Variants in GPM6A observed in about 807,000 individuals in gnomAD.
The protein encoded by GPM6A is glycoprotein M6A, also known as neuronal membrane glycoprotein M6-a.
Under a neutral mutation model 32.1 loss-of-function variants are expected in GPM6A, and 7 were observed. The observed-to-expected ratio is 0.22, with a 90% CI of 0.12 to 0.41. The LOEUF (loss-of-function observed/expected upper bound fraction) is 0.41. GPM6A is among the 10% of genes least tolerant of loss of function. GPM6A has a pLI of 1.00. For synonymous variants in GPM6A, 130 were observed against 123.4 expected, an observed-to-expected ratio of 1.05 and a Z score of -0.35; for missense variants, 235 against 347.2, an observed-to-expected ratio of 0.68 and a Z score of 2.57.
intron 1 of GPM6A, among the ~76,000 whole-genome samples, chr4:175,951,840 G>A (rs1490171763): frequency 6.6e-6 from 1 of 152,196 alleles, no homozygotes; most frequent in African/African-American, 2.4e-5. Context: ...TGCATAATGA[G>A]GTGGGCCCCA....
intron 1 of GPM6A, among the ~76,000 whole-genome samples, chr4:175,750,300 C>T (rs1006214128): frequency 6.6e-6 from 1 of 152,088 alleles, no homozygotes; most frequent in African/African-American, 2.4e-5. Context: ...TCAGGTGATC[C>T]ACCCGCCTTG....
chr4:175,881,849 G>A (rs568020756), intron 1 of GPM6A, among the ~76,000 whole-genome samples: 11 of 151,438 alleles, frequency 7.3e-5, no homozygotes, highest in African/African-American at 2.7e-4. Context: ...TGCAGGGTGG[G>A]AGGAGGGGGA....
At chr4:175,924,594 C>A (rs1253768118) in intron 1 of GPM6A, among the ~76,000 whole-genome samples, 2 of 152,140 alleles carry the variant, frequency 1.3e-5, no homozygotes, top group African/African-American at 4.8e-5. Flanking sequence ...AATCCCAGTA[C>A]TTTGGGAGGC....
intron 1 of GPM6A, among the ~76,000 whole-genome samples, chr4:175,955,552 C>CAG (rs1739957858): frequency 6.6e-6 from 1 of 152,102 alleles, no homozygotes; most frequent in Admixed American, 6.5e-5. Context: ...TTCATCAGTA[C>CAG]AGAGGTAAGA....
chr4:175,790,326 C>T (rs1733962850), intron 1 of GPM6A: 1 of 152,064 alleles, frequency 6.6e-6, no homozygotes, highest in Admixed American at 6.6e-5. Context: ...ATACAGTGAC[C>T]CAATTACTTT....
intron 3 of GPM6A, among the ~76,000 whole-genome samples, chr4:175,668,128 G>C (rs1367818489): frequency 6.6e-6 from 1 of 151,908 alleles, no homozygotes; most frequent in East Asian, 1.9e-4. Context: ...TTAGACATCA[G>C]AAAAAATAAG....
At chr4:175,977,969 C>T (rs1002355865) in intron 1 of GPM6A, among the ~76,000 whole-genome samples, 10 of 152,166 alleles carry the variant, frequency 6.6e-5, no homozygotes, top group African/African-American at 2.4e-4. Flanking sequence ...TACTTCAATG[C>T]TGTCAGGTTC....
chr4:175,982,103 G>C (rs1740837399), intron 1 of GPM6A, among the ~76,000 whole-genome samples: 1 of 151,954 alleles, frequency 6.6e-6, no homozygotes, highest in Non-Finnish European at 1.5e-5. Flanking sequence ...CTGTTTTCTT[G>C]TTAGTGGGTT....
At chr4:175,741,836 T>G (rs1731900351) in intron 1 of GPM6A, among the ~76,000 whole-genome samples, 1 of 152,142 alleles carries the variant, frequency 6.6e-6, no homozygotes, top group South Asian at 2.1e-4. Context: ...CTGGGATGTC[T>G]TATAATTATT....
intron 1 of GPM6A, among the ~76,000 whole-genome samples, chr4:175,886,722 AACACACACACACACACACACACACAC>A (rs34241399): frequency 4.1e-5 from 6 of 145,820 alleles, no homozygotes; most frequent in Non-Finnish European, 9.1e-5. Flanking sequence ...AAACTCAGTA[AACACACACACACACACACACACACAC>A]ACACACACAA....
chr4:175,887,802 A>T (rs191259643), intron 1 of GPM6A, among the ~76,000 whole-genome samples: 27 of 152,094 alleles, frequency 1.8e-4, no homozygotes, highest in African/African-American at 6.5e-4. Flanking sequence ...TCAAAATGAA[A>T]TAGCAAGCCT....
intron 1 of GPM6A, among the ~76,000 whole-genome samples, chr4:175,751,579 T>C (rs1254829907): frequency 6.6e-6 from 1 of 152,184 alleles, no homozygotes. Context: ...TTGGGGTTTC[T>C]GGAGAGAGAG....
chr4:175,708,836 T>A (rs1301445345), intron 1 of GPM6A, among the ~76,000 whole-genome samples: 1 of 152,188 alleles, frequency 6.6e-6, no homozygotes, highest in Non-Finnish European at 1.5e-5. Context: ...TGTTTTCTAG[T>A]GAAGTTTATA....
In GPM6A at chr4:176,001,303, C is replaced by A. The variant is rs79373615; in HGVS notation, c.-23+1006G>T. 5.3e-3 allele frequency among the ~76,000 whole-genome samples: 813 copies of A among 152,294 alleles called. 7 individuals are homozygous for A. Among genetic ancestry groups the A allele is most frequent in the Non-Finnish European group, 8.0e-3 (541 of 68,010 alleles). On this transcript the variant is annotated intron_variant, in intron 1 of 7. Transcript: ENST00000280187. ...GACTTGGCTGGAAGAAGTGAGCGGG[C>A]TGGGGTTGGAAGAGTAACTCGGGCT...
intron 1 of GPM6A, among the ~76,000 whole-genome samples, chr4:175,940,228 A>G (rs988254585): frequency 3.9e-5 from 6 of 152,276 alleles, no homozygotes; most frequent in Admixed American, 1.3e-4. Context: ...CAACGTAAAT[A>G]TGATTCAGAT....
intron 1 of GPM6A, among the ~76,000 whole-genome samples, chr4:175,830,887 C>T (rs1425278408): frequency 6.6e-6 from 1 of 151,356 alleles, no homozygotes; most frequent in Non-Finnish European, 1.5e-5. Context: ...TACCCCTATA[C>T]TAACTGGGTT....
intron 1 of GPM6A, among the ~76,000 whole-genome samples, chr4:175,833,255 G>C (rs1199261078): frequency 1.3e-5 from 2 of 152,106 alleles, no homozygotes; most frequent in African/African-American, 2.4e-5. Flanking sequence ...AAAGAAAGAA[G>C]ACAGAATGAT....
chr4:175,993,824 T>C (rs1453717491), intron 1 of GPM6A, among the ~76,000 whole-genome samples: 5 of 152,112 alleles, frequency 3.3e-5, no homozygotes, highest in Non-Finnish European at 7.4e-5. Flanking sequence ...GCAGCTGACA[T>C]ACCAGACACA....
At chr4:175,889,894 A>C (rs1737586667) in intron 1 of GPM6A, among the ~76,000 whole-genome samples, 2 of 152,164 alleles carry the variant, frequency 1.3e-5, no homozygotes, top group African/African-American at 4.8e-5. Flanking sequence ...TGAAAAAAGG[A>C]AAAGATAAGT....
Sources: gnomAD v4.1 joint callset for allele counts (sites outside exome capture counted in the v4.1 genomes callset) on GRCh38, gnomAD v4.1.1 for gene constraint, MANE v1.5 for transcripts, NCBI Gene and HGNC (gene_info 2026-07-23, HGNC 2026-07-21) for gene names.